The following LRRC37A2 variants were observed in gnomAD, a reference collection of about 807,000 sequenced individuals.
The protein encoded by LRRC37A2 is leucine-rich repeat-containing protein 37A2.
LRRC37A2 carries 9 observed loss-of-function variants against 68.8 expected under a neutral mutation model. The ratio of observed to expected loss-of-function variants is 0.13; its 90% confidence interval spans 0.08 to 0.23. LRRC37A2 has a LOEUF of 0.23. Ranked by LOEUF, LRRC37A2 falls within the 10% of genes least tolerant of loss-of-function variation. The probability of loss-of-function intolerance (pLI) is 1.00; values close to 1 mark genes in which losing one functional copy is unlikely to be tolerated. For missense variants in LRRC37A2, 168 were observed against 950.4 expected, an observed-to-expected ratio of 0.18 and a Z score of 10.82; for synonymous variants, 63 against 367.6, an observed-to-expected ratio of 0.17 and a Z score of 9.48.
the LRRC37A2 span, chr17:47,019,495 C>A: frequency 1.9e-6 from 3 of 1,571,054 alleles, no homozygotes; most frequent in Non-Finnish European, 2.6e-6. Flanking sequence ...CATTCTACAG[C>A]CCTGGAGAAG....
At chr17:46,923,234 C>G in the LRRC37A2 span, 2 of 1,550,814 alleles carry the variant, frequency 1.3e-6, no homozygotes, top group Non-Finnish European at 1.7e-6. Flanking sequence ...GAGGGCCGGT[C>G]GGGGAGCGGG....
chr17:46,981,292 C>T, the LRRC37A2 span, among the ~76,000 whole-genome samples: 93,061 of 151,616 alleles, frequency 0.61, 29,169 homozygotes, highest in African/African-American at 0.7. Context: ...GAAAACTTGA[C>T]CCCCAATGTG....
the LRRC37A2 span, among the ~76,000 whole-genome samples, chr17:46,789,491 T>C: frequency 6.6e-6 from 1 of 152,096 alleles, no homozygotes; most frequent in Non-Finnish European, 1.5e-5. Flanking sequence ...AGTGTGACAG[T>C]AGAATGGTAT....
chr17:46,950,549 G>C, the LRRC37A2 span, among the ~76,000 whole-genome samples: 1 of 152,232 alleles, frequency 6.6e-6, no homozygotes, highest in Admixed American at 6.5e-5. Flanking sequence ...GGACCAGGCA[G>C]CTTATTAGGC....
the LRRC37A2 span, among the ~76,000 whole-genome samples, chr17:46,501,601 C>T: frequency 6.6e-6 from 1 of 151,248 alleles, no homozygotes; most frequent in South Asian, 2.1e-4. Context: ...TTGGAACTCC[C>T]TTCAGTTCTC....
chr17:46,978,787 C>G, the LRRC37A2 span: 3 of 1,612,132 alleles, frequency 1.9e-6, no homozygotes. Flanking sequence ...CGACAGCACG[C>G]AGAGCACGGC....
At chr17:46,958,602 A>G in the LRRC37A2 span, among the ~76,000 whole-genome samples, 2 of 152,166 alleles carry the variant, frequency 1.3e-5, no homozygotes, top group East Asian at 3.9e-4. Context: ...CCACAGTGAG[A>G]TGTGCCAGTG....
chr17:46,877,380 G>A, the LRRC37A2 span, among the ~76,000 whole-genome samples: 1 of 152,196 alleles, frequency 6.6e-6, no homozygotes, highest in African/African-American at 2.4e-5. Flanking sequence ...CCTTGATTTG[G>A]CTTTTCAAAT....
chr17:46,975,588 T>G, the LRRC37A2 span: 3 of 152,268 alleles, frequency 2.0e-5, no homozygotes, highest in African/African-American at 7.2e-5. Flanking sequence ...AAATGTGACC[T>G]CTTGCCCTCA....
chr17:46,931,498 G>A, the LRRC37A2 span: 3 of 463,588 alleles, frequency 6.5e-6, no homozygotes, highest in South Asian at 7.7e-5. Context: ...GCCACCTGAA[G>A]CCTAATGTTG....
chr17:46,923,896 A>G, the LRRC37A2 span: 1 of 361,076 alleles, frequency 2.8e-6, no homozygotes, highest in Non-Finnish European at 4.9e-6. Context: ...TACTTACCCT[A>G]TTTTTGGGGG....
chr17:47,022,814 C>T, the LRRC37A2 span, among the ~76,000 whole-genome samples: 1 of 152,148 alleles, frequency 6.6e-6, no homozygotes, highest in Non-Finnish European at 1.5e-5. Context: ...TTTAATAATT[C>T]CCCCATTGAT....
the LRRC37A2 span, among the ~76,000 whole-genome samples, chr17:46,499,517 A>G: frequency 7.0e-6 from 1 of 142,292 alleles, no homozygotes; most frequent in South Asian, 2.1e-4. Flanking sequence ...AGTTTTGTTT[A>G]TGGGTGTCAT....
At chr17:47,021,941 A>C in the LRRC37A2 span, 4 of 1,505,860 alleles carry the variant, frequency 2.7e-6, no homozygotes, top group African/African-American at 2.8e-5. Context: ...TTCTCTCCAA[A>C]TATGACAAAA....
At chr17:46,922,491 A>C in the LRRC37A2 span, among the ~76,000 whole-genome samples, 5 of 152,296 alleles carry the variant, frequency 3.3e-5, no homozygotes, top group East Asian at 9.6e-4. Flanking sequence ...ATAATAAAAA[A>C]TAATAAAATA....
At chr17:46,854,627 TAA>T in the LRRC37A2 span, among the ~76,000 whole-genome samples, 1 of 151,438 alleles carries the variant, frequency 6.6e-6, no homozygotes, top group African/African-American at 2.4e-5. Flanking sequence ...TTAATGGTGA[TAA>T]AAAAAAACAT....
At chr17:46,836,845 G>T in the LRRC37A2 span, among the ~76,000 whole-genome samples, 2 of 152,244 alleles carry the variant, frequency 1.3e-5, no homozygotes, top group African/African-American at 4.8e-5. Context: ...AAAGCTAGAT[G>T]TGTGAATAAA....
chr17:46,852,118 G>T, the LRRC37A2 span, among the ~76,000 whole-genome samples: 1 of 152,336 alleles, frequency 6.6e-6, no homozygotes, highest in Middle Eastern at 3.4e-3. Flanking sequence ...CTGGCCTCCG[G>T]CGAGCCGTCC....
the LRRC37A2 span, chr17:46,929,589 G>A: frequency 3.0e-5 from 42 of 1,403,792 alleles, no homozygotes; most frequent in Non-Finnish European, 4.2e-5. Flanking sequence ...TGCACAGTGA[G>A]TAATTAACTG....
Sources: allele counts gnomAD v4.1 joint callset (sites outside exome capture counted in the v4.1 genomes callset), GRCh38; gene constraint gnomAD v4.1.1; transcripts MANE v1.5; gene names NCBI Gene and HGNC (gene_info 2026-07-23, HGNC 2026-07-21).